KCNC2: variants seen among roughly 807,000 people sequenced by gnomAD.
KCNC2 encodes potassium voltage-gated channel subfamily C member 2, also known as voltage-gated potassium channel KCNC2.
A neutral mutation model predicts 44.5 loss-of-function variants in KCNC2; 21 were observed. That is an observed-to-expected ratio of 0.47 (90% confidence interval 0.33 to 0.68). The LOEUF (loss-of-function observed/expected upper bound fraction) is 0.68, where lower values mean the gene tolerates loss of function less well. Ranked by LOEUF, KCNC2 falls within the 30% of genes least tolerant of loss-of-function variation. KCNC2 has a pLI of 0.01. For missense variants in KCNC2, 589 were observed against 826.2 expected (o/e 0.71, Z 3.52); for synonymous variants, 391 against 339.1 (o/e 1.15, Z -1.68).
intron 3 of KCNC2, among the ~76,000 whole-genome samples, chr12:75,048,673 A>T (rs897590050): frequency 2.0e-5 from 3 of 152,126 alleles, no homozygotes; most frequent in Non-Finnish European, 2.9e-5. Context: ...TCTGAATAGG[A>T]ATATTTAAAA....
intron 2 of KCNC2, among the ~76,000 whole-genome samples, chr12:75,139,599 C>G (rs1446033064): frequency 6.6e-6 from 1 of 152,174 alleles, no homozygotes; most frequent in African/African-American, 2.4e-5. Flanking sequence ...CTTTCTCTCT[C>G]TTTCTCTAAA....
chr12:75,170,934 T>G (rs1891774182), intron 2 of KCNC2, among the ~76,000 whole-genome samples: 1 of 151,796 alleles, frequency 6.6e-6, no homozygotes, highest in Non-Finnish European at 1.5e-5. Flanking sequence ...TTCAGATTGT[T>G]GTCAGAATTT....
chr12:75,146,144 C>T (rs930220549), intron 2 of KCNC2, among the ~76,000 whole-genome samples: 1 of 151,896 alleles, frequency 6.6e-6, no homozygotes. Context: ...CTAGTAGAGA[C>T]GAGATTTCAC....
intron 2 of KCNC2, among the ~76,000 whole-genome samples, chr12:75,150,490 T>C (rs1890312832): frequency 6.6e-6 from 1 of 151,788 alleles, no homozygotes; most frequent in Admixed American, 6.6e-5. Flanking sequence ...ATGAACACTT[T>C]TGCTTAAAAA....
At chr12:75,128,699 G>A (rs556633326) in intron 2 of KCNC2, among the ~76,000 whole-genome samples, 9 of 152,098 alleles carry the variant, frequency 5.9e-5, no homozygotes, top group East Asian at 1.9e-4. Context: ...TCACTGCCTG[G>A]TTATGTTAGT....
Position 75,207,251 on chromosome 12 carries a change from T to A in KCNC2, c.687+46A>T, listed in dbSNP as rs1565701761. The A allele has an allele frequency of 1.3e-6, 2 of 1,501,516 alleles. No individual in the cohort carries two copies. The highest frequency in any genetic ancestry group is 2.7e-5 in the Admixed American group (1 of 36,722). The allele number at this position is 1,501,516 out of a possible 1,614,324, so 93.0% of individuals were successfully genotyped here. ...AAAGAACAGAAAGTTGGGGAGGGAG[T>A]TGGGAGAAGTTGAAGCAGCAGGGAA... On this transcript the variant is annotated intron_variant, in intron 2 of 4. Coordinates refer to ENST00000549446, the MANE Select transcript of KCNC2 (RefSeq NM_139137.4). This position sits in a 1 kb window ranked among gnomAD's most constrained non-coding sequence, Gnocchi z 4.1.
intron 2 of KCNC2, among the ~76,000 whole-genome samples, chr12:75,098,972 T>C (rs1349715755): frequency 1.3e-5 from 2 of 152,216 alleles, no homozygotes; most frequent in East Asian, 1.9e-4. Flanking sequence ...TGCTGATTCA[T>C]TGTTTGACCT....
At position 75,042,623 on chromosome 12, in the gene KCNC2, G is replaced by A; in HGVS notation, c.*482C>T. On this transcript the variant is annotated 3_prime_UTR_variant, in exon 5 of 5. Coordinates refer to ENST00000549446, the MANE Select transcript of KCNC2 (RefSeq NM_139137.4). ...GAGCTATCCACAGTCCCCGAACTCT[G>A]CAACATTGCTTTCAGGTGATAGAGA... is the stretch of plus-strand genomic sequence containing the variant. The A allele has an allele frequency of 7.9e-7, 1 of 1,264,028 alleles. No homozygotes were observed. Among genetic ancestry groups the A allele is most frequent in the East Asian group, 3.5e-5 (1 of 28,956 alleles). The allele number at this position is 1,264,028 out of a possible 1,614,324, so 78.3% of individuals were successfully genotyped here.
At chr12:75,043,359 A>G (rs559477988) in intron 4 of KCNC2, 118 bp from the exon 5 acceptor site, 58 of 1,441,394 alleles carry the variant, frequency 4.0e-5, no homozygotes, top group Non-Finnish European at 4.9e-5. Context: ...ATTTGTTTAC[A>G]AAGAATTTAA....
intron 2 of KCNC2, among the ~76,000 whole-genome samples, chr12:75,123,727 C>A (rs1266588312): frequency 1.3e-5 from 2 of 152,084 alleles, no homozygotes; most frequent in Non-Finnish European, 2.9e-5. Flanking sequence ...TTTCCTACCA[C>A]GGTGGAAAAC....
intron 2 of KCNC2, among the ~76,000 whole-genome samples, chr12:75,170,422 A>G (rs532454461): frequency 1.3e-5 from 2 of 151,852 alleles, no homozygotes; most frequent in East Asian, 3.9e-4. Flanking sequence ...GACTCCTCTG[A>G]ATCAAAAATC....
At chr12:75,066,224 A>G (rs1268833540) in intron 2 of KCNC2, among the ~76,000 whole-genome samples, 2 of 152,042 alleles carry the variant, frequency 1.3e-5, no homozygotes, top group East Asian at 3.9e-4. Flanking sequence ...TTGCTTTGTT[A>G]TGTTCTGCTC....
At chr12:75,076,558 C>A (rs1179748974) in intron 2 of KCNC2, among the ~76,000 whole-genome samples, 2 of 152,176 alleles carry the variant, frequency 1.3e-5, no homozygotes, top group Non-Finnish European at 2.9e-5. Flanking sequence ...AGGCGTGAGC[C>A]ACCGCGCCTG....
intron 2 of KCNC2, among the ~76,000 whole-genome samples, chr12:75,153,118 C>T (rs1890521079): frequency 6.6e-6 from 1 of 151,912 alleles, no homozygotes. Context: ...AAAAAGTCAA[C>T]ACTAAACCAT....
chr12:75,185,512 C>T (rs567896138), intron 2 of KCNC2, among the ~76,000 whole-genome samples: 5 of 151,940 alleles, frequency 3.3e-5, no homozygotes, highest in Non-Finnish European at 7.4e-5. Flanking sequence ...TTCTTATCCT[C>T]TTCCTTCTCT....
intron 2 of KCNC2, among the ~76,000 whole-genome samples, chr12:75,159,130 G>T (rs1186090470): frequency 7.2e-6 from 1 of 139,028 alleles, no homozygotes; most frequent in Non-Finnish European, 1.6e-5. Context: ...GGGTGGGGGG[G>T]AAAGGGGAGG....
intron 2 of KCNC2, among the ~76,000 whole-genome samples, chr12:75,183,520 G>A (rs1892737970): frequency 6.6e-6 from 1 of 152,134 alleles, no homozygotes; most frequent in Admixed American, 6.5e-5. Context: ...TACCCAGAAA[G>A]TCCTGGGAAT....
chr12:75,061,566 TACACACACACAC>T (rs59052402), intron 2 of KCNC2, among the ~76,000 whole-genome samples: 1,451 of 143,334 alleles, frequency 0.01, 11 homozygotes, highest in Middle Eastern at 0.024. Context: ...AAGTGACAAG[TACACACACACAC>T]ACACACACAC....
In KCNC2 at chr12:75,050,397, G is replaced by A; in HGVS notation, c.1608C>T (p.Asn536=). Residue 536 remains asparagine (N), a synonymous_variant, in exon 3 of 5, where the codon AAC becomes AAT. Transcript: ENST00000549446. Reference sequence around the variant, plus strand: ...TTTGAAGTCCTGCCTTACCTGATCTGTTATGTTCCAGAAGTCGATTGTCTT... The same window carrying A: ...TTTGAAGTCCTGCCTTACCTGATCTATTATGTTCCAGAAGTCGATTGTCTT... ...LGKDNRLLEH[N]RSVLSGDDST... 1 of 1,607,514 alleles carries A rather than the reference G, an allele frequency of 6.2e-7. No homozygotes were observed. The highest frequency in any genetic ancestry group is 1.1e-5 in the South Asian group (1 of 90,472).
Sources: allele counts gnomAD v4.1 joint callset (sites outside exome capture counted in the v4.1 genomes callset), GRCh38; gene constraint gnomAD v4.1.1; non-coding constraint Gnocchi (gnomAD v3.1); transcripts MANE v1.5; gene names NCBI Gene and HGNC (gene_info 2026-07-23, HGNC 2026-07-21).